The following VIT variants were observed in gnomAD, a reference collection of about 807,000 sequenced individuals.
The protein encoded by VIT is vitrin.
In VIT, 99 loss-of-function variants were observed where a neutral mutation model predicts 78.0. The observed-to-expected ratio is 1.27, with a 90% CI of 1.08 to 1.50. The LOEUF is 1.50. VIT is among the 40% of genes most tolerant of loss of function. VIT has a pLI of 0.00. For synonymous variants in VIT, 374 were observed against 334.3 expected (o/e 1.12, Z -1.29); for missense variants, 1,126 against 875.3 (o/e 1.29, Z -3.61).
chr2:36,792,145 A>G (rs1013718646), intron 12 of VIT, among the ~76,000 whole-genome samples: 1 of 152,102 alleles, frequency 6.6e-6, no homozygotes, highest in Non-Finnish European at 1.5e-5. Flanking sequence ...TGGCAAGGGG[A>G]TGAGACCCAG....
At chr2:36,759,715 A>G in intron 6 of VIT, 1 of 960,946 alleles carries the variant, frequency 1.0e-6, no homozygotes. Flanking sequence ...TTGATAGGCT[A>G]GCTAATACAT....
At chr2:36,771,968 C>G (rs747389955) in intron 7 of VIT, among the ~76,000 whole-genome samples, 12 of 152,098 alleles carry the variant, frequency 7.9e-5, no homozygotes, top group Non-Finnish European at 1.3e-4. Context: ...GTACATCCCA[C>G]AGAAAAAGGG....
At chr2:36,808,179 G>C (rs1191103903) in intron 14 of VIT, among the ~76,000 whole-genome samples, 1 of 152,212 alleles carries the variant, frequency 6.6e-6, no homozygotes, top group African/African-American at 2.4e-5. Context: ...GCATAAATGT[G>C]AAGCTGACAC....
In VIT at chr2:36,781,755, G is replaced by T. The variant is rs202241939; in HGVS notation, c.831G>T (p.Ser277=). Residue 277 remains serine, a synonymous_variant, in exon 10 of 16, where the codon TCG becomes TCT. Coordinates refer to ENST00000379242, the MANE Select transcript of VIT (RefSeq NM_053276.4). ...LGEMDSWKPG[S]VLLDEGLVPK... is the part of the protein sequence containing the mutation. ...AGATGGACTCATGGAAACCTGGATC[G>T]GTCCTTTTAGATGAAGGTAATTATA... 3 of 1,614,084 alleles carry T rather than the reference G, an allele frequency of 1.9e-6. No homozygotes were observed. Among genetic ancestry groups the T allele is most frequent in the South Asian group, 2.2e-5 (2 of 91,078 alleles).
chr2:36,700,115 C>T (rs1017238190), intron 1 of VIT, among the ~76,000 whole-genome samples: 1 of 152,064 alleles, frequency 6.6e-6, no homozygotes, highest in Non-Finnish European at 1.5e-5. Flanking sequence ...ATTAACTCAT[C>T]GGATACATTT....
intron 15 of VIT, among the ~76,000 whole-genome samples, chr2:36,813,632 G>T (rs62132505): frequency 0.044 from 6,698 of 152,220 alleles, 182 homozygotes; most frequent in African/African-American, 0.083. Flanking sequence ...CACTGGAAAT[G>T]AGGTTGGATT....
chr2:36,798,533 G>A (rs1390910804), intron 12 of VIT, among the ~76,000 whole-genome samples: 2 of 152,144 alleles, frequency 1.3e-5, no homozygotes, highest in Admixed American at 6.5e-5. Flanking sequence ...AAGGCAGATG[G>A]ATCACGAGGT....
chr2:36,784,317 C>A (rs981543867), intron 11 of VIT, among the ~76,000 whole-genome samples: 17 of 152,204 alleles, frequency 1.1e-4, no homozygotes, highest in African/African-American at 3.9e-4. Context: ...ATTAAAGATG[C>A]CCATCTTCCT....
intron 15 of VIT, among the ~76,000 whole-genome samples, chr2:36,809,919 A>G (rs1361465880): frequency 6.9e-6 from 1 of 144,650 alleles, no homozygotes; most frequent in Admixed American, 7.2e-5. Flanking sequence ...TGAGCCCTGG[A>G]GTTGGAGGCT....
intron 4 of VIT, among the ~76,000 whole-genome samples, chr2:36,744,882 T>G (rs1014823600): frequency 2.0e-5 from 3 of 152,208 alleles, no homozygotes; most frequent in Non-Finnish European, 4.4e-5. Flanking sequence ...AGACATAAAT[T>G]CTTTGCCAAG....
At chr2:36,755,297 T>C (rs1430769416) in intron 5 of VIT, among the ~76,000 whole-genome samples, 3 of 152,224 alleles carry the variant, frequency 2.0e-5, no homozygotes, top group African/African-American at 7.2e-5. Context: ...CAGTTATCTG[T>C]AAGTCCAATC....
intron 12 of VIT, among the ~76,000 whole-genome samples, chr2:36,793,363 G>C (rs1378173590): frequency 6.6e-6 from 1 of 152,174 alleles, no homozygotes; most frequent in Non-Finnish European, 1.5e-5. Flanking sequence ...CTCCTTCTCT[G>C]ATGGTGGGAA....
At chr2:36,809,184 C>T (rs577506536) in intron 15 of VIT, among the ~76,000 whole-genome samples, 199 bp downstream of exon 15, 6 of 152,158 alleles carry the variant, frequency 3.9e-5, no homozygotes, top group Non-Finnish European at 8.8e-5. Flanking sequence ...AAGGATGGGG[C>T]AGCAAGGTGG....
rs1317701194 is a variant in VIT, at chr2:36,812,882, A to G, written c.1904-1301A>G. On this transcript the variant is annotated intron_variant, in intron 15 of 15. Coordinates refer to ENST00000379242, the MANE Select transcript of VIT (RefSeq NM_053276.4). ...TCTTCTTTTTTTTTTTTTTTTTGAG[A>G]TGGAGTCTCGCTCTGTCACCCAGGC... Among the ~76,000 whole-genome samples, 11 of 119,202 alleles carry G rather than the reference A, an allele frequency of 9.2e-5. No homozygotes were observed. The East Asian group carries it at 2.2e-3, about 24-fold the overall frequency. The allele number at this position is 119,202 out of a possible 152,430, so 78.2% of individuals were successfully genotyped here.
At chr2:36,716,072 A>G (rs1666115026) in intron 1 of VIT, among the ~76,000 whole-genome samples, 1 of 152,202 alleles carries the variant, frequency 6.6e-6, no homozygotes, top group South Asian at 2.1e-4. Flanking sequence ...TATTCTCAAA[A>G]TTGTAGAGTT....
chr2:36,753,100 A>C (rs141436726), intron 4 of VIT, among the ~76,000 whole-genome samples: 1,595 of 152,164 alleles, frequency 0.01, 28 homozygotes, highest in African/African-American at 0.034. Flanking sequence ...GCAAACTAAC[A>C]CAAGAACAGA....
intron 3 of VIT, among the ~76,000 whole-genome samples, chr2:36,731,840 A>G (rs999859149): frequency 6.6e-6 from 1 of 152,226 alleles, no homozygotes; most frequent in Non-Finnish European, 1.5e-5. Flanking sequence ...AAACTTTCTT[A>G]TAGGCATTAA....
chr2:36,703,601 G>A (rs758417390), intron 1 of VIT, among the ~76,000 whole-genome samples: 13 of 152,216 alleles, frequency 8.5e-5, no homozygotes, highest in Non-Finnish European at 1.5e-4. Flanking sequence ...ACGTTTGCGT[G>A]TGAGACAGAG....
Position 36,805,535 on chromosome 2 carries a change from G to A in VIT, c.1260G>A (p.Trp420Ter). The A allele has an allele frequency of 1.2e-6, 2 of 1,614,092 alleles. No individual in the cohort carries two copies. The highest frequency in any genetic ancestry group is 1.7e-6 in the Non-Finnish European group (2 of 1,180,014). The change falls in exon 14 of 16, where the codon TGG becomes TGA. Residue 420 changes from tryptophan (W) to a stop codon, truncating the protein, a stop_gained. Transcript: ENST00000379242. LOFTEE classifies it high-confidence loss of function. ...TGGTGGTGGTGATGGTGGATGGCTG[G>A]CCCACGGACAAAGTGGAGGAGGCTT... is the stretch of plus-strand genomic sequence containing the variant. Reference protein sequence around the residue: ...PNVVVVMVDGWPTDKVEEASR... With the variant: ...PNVVVVMVDG
Sources: gnomAD v4.1 joint callset for allele counts (sites outside exome capture counted in the v4.1 genomes callset) on GRCh38, gnomAD v4.1.1 for gene constraint, MANE v1.5 for transcripts, NCBI Gene and HGNC (gene_info 2026-07-23, HGNC 2026-07-21) for gene names.